ATXN1L: variants seen among roughly 807,000 people sequenced by gnomAD.
ATXN1L encodes the protein ataxin-1-like.
Under a neutral mutation model 43.4 loss-of-function variants are expected in ATXN1L, and 8 were observed. That is an observed-to-expected ratio of 0.18 (90% CI 0.11 to 0.33). The LOEUF (loss-of-function observed/expected upper bound fraction) is 0.33, where lower values mean the gene tolerates loss of function less well. Among genes scored for constraint, ATXN1L ranks in the 10% least tolerant of loss-of-function variants. The probability of loss-of-function intolerance (pLI) is 1.00; values close to 1 mark genes in which losing one functional copy is unlikely to be tolerated. For synonymous variants in ATXN1L, 379 were observed against 360.6 expected, an observed-to-expected ratio of 1.05 and a Z score of -0.58; for missense variants, 856 against 885.4, an observed-to-expected ratio of 0.97 and a Z score of 0.42.
In ATXN1L at chr16:71,851,800, C is replaced by G; in HGVS notation, c.2060C>G (p.Ala687Gly). Residue 687 changes from alanine (A) to glycine (G), a missense_variant, in exon 3 of 3, where the codon GCG becomes GGG. By Grantham distance (60) the Ala-to-Gly change is moderately conservative. This residue lies in a region of ATXN1L where 185 missense variants were observed against 176.8 expected (regional missense o/e 1.05). Coordinates refer to ENST00000427980, the MANE Select transcript of ATXN1L (RefSeq NM_001137675.4). This position sits in a 1 kb window ranked among gnomAD's most constrained non-coding sequence, Gnocchi z 4.9. ...VKLSIEGRSN[A>G]GK The stretch of plus-strand genomic sequence containing the variant: ...CTGTCCATTGAAGGGCGTTCCAATG[C>G]GGGAAAATGAACCTCTTCCCCAGAC... 5 of 1,429,174 alleles carry G rather than the reference C, an allele frequency of 3.5e-6. No homozygotes were observed. Among genetic ancestry groups the G allele is most frequent in the Non-Finnish European group, 4.6e-6 (5 of 1,086,212 alleles). The allele number at this position is 1,429,174 out of a possible 1,614,324, so 88.5% of individuals were successfully genotyped here.
rs543741438 is a variant in ATXN1L at position 71,846,538 on chromosome 16, G to A, written c.-180+434G>A. Among the ~76,000 whole-genome samples, 63 of 152,336 alleles carry A rather than the reference G, an allele frequency of 4.1e-4. No individual in the cohort carries two copies. The South Asian group carries it at 6.4e-3, about 16-fold the overall frequency. On this transcript the variant is annotated intron_variant, in intron 1 of 2. Transcript: ENST00000427980. ...CTGACAAGCTTCTCCCTTTCTGTCGGGCGCACCTCTCGCCCGCAGAGAATT... is the reference window on the plus strand; with the variant it reads ...CTGACAAGCTTCTCCCTTTCTGTCGAGCGCACCTCTCGCCCGCAGAGAATT...
Position 71,851,487 on chromosome 16 carries a change from C to T in ATXN1L, c.1747C>T (p.Gln583Ter). The change falls in exon 3 of 3, where the codon CAG (glutamine) becomes TAG (stop). Residue 583 changes from glutamine (Q) to a stop codon, truncating the protein, a stop_gained. Transcript: ENST00000427980. LOFTEE classifies it high-confidence loss of function. This position sits in a 1 kb window ranked among gnomAD's most constrained non-coding sequence, Gnocchi z 4.9. ...AGATGTCTGCATCTCTATCAGTTTA[C>T]AGAGCTTGAACAGTAACTCAGTTTC... ...VGDVCISISL[Q>*]SLNSNSVSQA... The T allele has an allele frequency of 6.4e-7, 1 of 1,551,652 alleles. No homozygotes were observed.
rs1172409757 is a variant in ATXN1L at position 71,854,786 on chromosome 16, C to T, written c.*2976C>T. Reference sequence around the variant, plus strand: ...TAGGAATAGAAAGGAGGACTGCTGACTGTCTGGCGCTGTATAAAAATGTGT... The same window carrying T: ...TAGGAATAGAAAGGAGGACTGCTGATTGTCTGGCGCTGTATAAAAATGTGT... On this transcript the variant is annotated 3_prime_UTR_variant, in exon 3 of 3. Coordinates refer to ENST00000427980, the MANE Select transcript of ATXN1L (RefSeq NM_001137675.4). The T allele has an allele frequency of 6.0e-6, 1 of 166,952 alleles. No individual in the cohort carries two copies. Among genetic ancestry groups the T allele is most frequent in the East Asian group, 1.9e-4 (1 of 5,204 alleles). 10.3% of individuals were successfully genotyped at this position (166,952 alleles called of 1,614,324 possible). A position where few individuals can be genotyped will look rare whatever the true frequency, so the allele number is the denominator to read the frequency against.
chr16:71,850,651 A>G lies in ATXN1L; in HGVS notation c.911A>G (p.Glu304Gly). 1 of 1,551,694 alleles carries G rather than the reference A, an allele frequency of 6.4e-7. No individual in the cohort carries two copies. Among genetic ancestry groups the G allele is most frequent in the Non-Finnish European group, 8.7e-7 (1 of 1,146,994 alleles). Residue 304 changes from glutamate to glycine, a missense_variant, in exon 3 of 3, where the codon GAA (glutamate) becomes GGA (glycine). By Grantham distance (98) the Glu-to-Gly change is moderately conservative. Around this residue, in one of 7 missense-constraint regions of ATXN1L, gnomAD observed 490 missense variants for 449.4 expected, o/e 1.09. Transcript: ENST00000427980. ...GGCCAGGGACTGGTGCCAGTGGTAGAATGTGTGGTGGATGGACAGTTGTTT... is the reference window on the plus strand; with the variant it reads ...GGCCAGGGACTGGTGCCAGTGGTAGGATGTGTGGTGGATGGACAGTTGTTT... ...GEGQGLVPVV[E>G]CVVDGQLFSG...
At position 71,851,547 on chromosome 16, in the gene ATXN1L, C is replaced by G; in HGVS notation, c.1807C>G (p.Pro603Ala). ...CTGTGCTCCCCCAAGCCAGCTGGGT[C>G]CCCCCCGAGAAAGGCCTGAGAGGAC... ...ASCAPPSQLG[P>A]PRERPERTVL... The change falls in exon 3 of 3, where the codon CCC becomes GCC. Residue 603 changes from proline (P) to alanine (A), a missense_variant. This residue lies in a region of ATXN1L where 185 missense variants were observed against 176.8 expected (regional missense o/e 1.05). Transcript: ENST00000427980. The surrounding 1 kb of genome is among the most constrained non-coding windows in gnomAD (Gnocchi z 4.9). 6.4e-7 allele frequency: 1 copy of G among 1,550,392 alleles called. No homozygotes were observed. The highest frequency in any genetic ancestry group is 8.7e-7 in the Non-Finnish European group (1 of 1,146,200).
Position 71,852,895 on chromosome 16 carries a change from GTC to G in ATXN1L, c.*1091_*1092del, listed in dbSNP as rs911944868. The G allele has an allele frequency of 7.8e-5, 13 of 167,122 alleles. No individual in the cohort carries two copies. The highest frequency in any genetic ancestry group is 2.9e-4 in the African/African-American group (12 of 41,432). The allele number at this position is 167,122 out of a possible 1,614,324, so 10.4% of individuals were successfully genotyped here. On this transcript the variant is annotated 3_prime_UTR_variant, in exon 3 of 3. Coordinates refer to ENST00000427980, the MANE Select transcript of ATXN1L (RefSeq NM_001137675.4). ...ACCTCTAGTTTTTGGTGGGTAGGGG[GTC>G]TCTCTGGTTTCCCCTTCAGCTATAA... is the stretch of plus-strand genomic sequence containing the variant.
rs1164364999 is a variant in ATXN1L, at chr16:71,851,750, C to G, written c.2010C>G (p.Pro670=). The part of the protein sequence containing the change: ...GEEARAALLR[P]SFIPQEVKLS... ...AGGCACGGGCTGCGCTGCTCCGTCC[C>G]TCTTTCATTCCACAGGAGGTAAAGC... is the stretch of plus-strand genomic sequence containing the variant. The change falls in exon 3 of 3, where the codon CCC becomes CCG. Residue 670 remains proline, a synonymous_variant. Coordinates refer to ENST00000427980, the MANE Select transcript of ATXN1L (RefSeq NM_001137675.4). This position sits in a 1 kb window ranked among gnomAD's most constrained non-coding sequence, Gnocchi z 4.9. 1 of 1,450,242 alleles carries G rather than the reference C, an allele frequency of 6.9e-7. No homozygotes were observed. Among genetic ancestry groups the G allele is most frequent in the Non-Finnish European group, 9.1e-7 (1 of 1,097,380 alleles). 89.8% of individuals were successfully genotyped at this position (1,450,242 alleles called of 1,614,324 possible).
chr16:71,854,232 A>G lies in ATXN1L; in HGVS notation c.*2422A>G, dbSNP rs2033531990. On this transcript the variant is annotated 3_prime_UTR_variant, in exon 3 of 3. Coordinates refer to ENST00000427980, the MANE Select transcript of ATXN1L (RefSeq NM_001137675.4). ...GGCAAACCTATGTCTAACCAGATACAGACCAATTAGTTTAGATCAAATCAC... is the reference window on the plus strand; with the variant it reads ...GGCAAACCTATGTCTAACCAGATACGGACCAATTAGTTTAGATCAAATCAC... The G allele has an allele frequency of 6.0e-6, 1 of 167,144 alleles. No homozygotes were observed. The highest frequency in any genetic ancestry group is 6.5e-5 in the Admixed American group (1 of 15,296). 10.4% of individuals were successfully genotyped at this position (167,144 alleles called of 1,614,324 possible).
In ATXN1L at chr16:71,850,099, C is replaced by T. The variant is rs2033482086; in HGVS notation, c.359C>T (p.Pro120Leu). The T allele has an allele frequency of 6.4e-7, 1 of 1,551,718 alleles. No homozygotes were observed. The highest frequency in any genetic ancestry group is 2.4e-5 in the East Asian group (1 of 40,922). ...FNVASSLIQH[P>L]GIHYPPLHYA... ...GTAGCGTCTTCACTAATTCAACATC[C>T]AGGCATCCACTATCCTCCACTCCAC... Residue 120 changes from proline (P) to leucine (L), a missense_variant, in exon 3 of 3, where the codon CCA becomes CTA. Pro to Leu is a moderately conservative substitution (Grantham distance 98). Coordinates refer to ENST00000427980, the MANE Select transcript of ATXN1L (RefSeq NM_001137675.4).
At position 71,851,959 on chromosome 16, in the gene ATXN1L, A is replaced by G. The variant is rs990243032; in HGVS notation, c.*149A>G. 1.1e-6 allele frequency: 1 copy of G among 916,662 alleles called. No homozygotes were observed. Among genetic ancestry groups the G allele is most frequent in the Non-Finnish European group, 1.5e-6 (1 of 656,196 alleles). The allele number at this position is 916,662 out of a possible 1,614,324, so 56.8% of individuals were successfully genotyped here. Reference sequence around the variant, plus strand: ...GGGGAGGCATGAAGTCAGCCTCCCAAGGCAGGATCTGTTGTTCATTACCCC... The same window carrying G: ...GGGGAGGCATGAAGTCAGCCTCCCAGGGCAGGATCTGTTGTTCATTACCCC... On this transcript the variant is annotated 3_prime_UTR_variant, in exon 3 of 3. Coordinates refer to ENST00000427980, the MANE Select transcript of ATXN1L (RefSeq NM_001137675.4). This position sits in a 1 kb window ranked among gnomAD's most constrained non-coding sequence, Gnocchi z 4.9.
Position 71,850,050 on chromosome 16 carries a change from A to G in ATXN1L, c.310A>G (p.Ser104Gly), listed in dbSNP as rs1283224090. The G allele has an allele frequency of 3.9e-6, 6 of 1,551,662 alleles. No individual in the cohort carries two copies. The East Asian group carries it at 1.5e-4, about 38-fold the overall frequency. ...PTGLPSVVNM[S>G]PLPPTFNVAS... ...TGGACTCCCATCTGTGGTGAATATG[A>G]GTCCCTTGCCCCCAACGTTTAATGT... is the stretch of plus-strand genomic sequence containing the variant. The change falls in exon 3 of 3, where the codon AGT (serine) becomes GGT (glycine). Residue 104 changes from serine (S) to glycine (G), a missense_variant. Transcript: ENST00000427980.
chr16:71,850,542 G>T lies in ATXN1L; in HGVS notation c.802G>T (p.Ala268Ser). ...CCAGTCTGCTCTGGAAGCAGCTGCTGCAAATGGAGGACAGAGACCACGAGA... is the reference window on the plus strand; with the variant it reads ...CCAGTCTGCTCTGGAAGCAGCTGCTTCAAATGGAGGACAGAGACCACGAGA... ...ESQSALEAAA[A>S]NGGQRPRERN... The change falls in exon 3 of 3, where the codon GCA (alanine) becomes TCA (serine). Residue 268 changes from alanine (A) to serine (S), a missense_variant. Transcript: ENST00000427980. 6.4e-7 allele frequency: 1 copy of T among 1,551,754 alleles called. No individual in the cohort carries two copies. Among genetic ancestry groups the T allele is most frequent in the Non-Finnish European group, 8.7e-7 (1 of 1,147,014 alleles).
Position 71,850,172 on chromosome 16 carries a change from T to C in ATXN1L, c.432T>C (p.Tyr144=). The C allele has an allele frequency of 1.3e-6, 2 of 1,551,754 alleles. No homozygotes were observed. Among genetic ancestry groups the C allele is most frequent in the East Asian group, 2.4e-5 (1 of 40,920 alleles). Residue 144 remains tyrosine (Y), a synonymous_variant, in exon 3 of 3, where the codon TAT becomes TAC. Transcript: ENST00000427980. ...STSLQFIGSP[Y]SLPYAVPPNF... is the part of the protein sequence containing the mutation. ...CGCTGCAGTTCATTGGGTCTCCTTA[T>C]AGCCTTCCCTATGCTGTGCCACCTA...
chr16:71,854,820 T>C lies in ATXN1L; in HGVS notation c.*3010T>C, dbSNP rs1019838202. 6.0e-6 allele frequency: 1 copy of C among 166,994 alleles called. No individual in the cohort carries two copies. The highest frequency in any genetic ancestry group is 3.1e-3 in the Middle Eastern group (1 of 318). 10.3% of individuals were successfully genotyped at this position (166,994 alleles called of 1,614,324 possible). ...GCTGTATAAAAATGTGTATACCAAT[T>C]TGGGAATAGGGGAACCCAGTCATGG... On this transcript the variant is annotated 3_prime_UTR_variant, in exon 3 of 3. Transcript: ENST00000427980.
chr16:71,851,520 A>G lies in ATXN1L; in HGVS notation c.1780A>G (p.Ser594Gly), dbSNP rs61747555. ...GAACAGTAACTCAGTTTCTCAGGCC[A>G]GCTGTGCTCCCCCAAGCCAGCTGGG... ...SLNSNSVSQA[S>G]CAPPSQLGPP... The change falls in exon 3 of 3, where the codon AGC (serine) becomes GGC (glycine). Residue 594 changes from serine to glycine, a missense_variant. By Grantham distance (56) the Ser-to-Gly change is moderately conservative. This residue lies in a region of ATXN1L where 185 missense variants were observed against 176.8 expected (regional missense o/e 1.05). Transcript: ENST00000427980. This position sits in a 1 kb window ranked among gnomAD's most constrained non-coding sequence, Gnocchi z 4.9. The G allele has an allele frequency of 0.21, 320,904 of 1,551,322 alleles. 35,062 individuals are homozygous for G. Among genetic ancestry groups the G allele is most frequent in the East Asian group, 0.25 (10,110 of 40,866 alleles).
In ATXN1L at chr16:71,853,758, C is replaced by T. The variant is rs2033527771; in HGVS notation, c.*1948C>T. Reference sequence around the variant, plus strand: ...TGAAACTGGCTTGTTTGCTACAAGCCCTACCCTCCACTCTTTCATTCCTTG... The same window carrying T: ...TGAAACTGGCTTGTTTGCTACAAGCTCTACCCTCCACTCTTTCATTCCTTG... On this transcript the variant is annotated 3_prime_UTR_variant, in exon 3 of 3. Coordinates refer to ENST00000427980, the MANE Select transcript of ATXN1L (RefSeq NM_001137675.4). The T allele has an allele frequency of 6.0e-6, 1 of 166,914 alleles. No homozygotes were observed. The highest frequency in any genetic ancestry group is 1.5e-5 in the Non-Finnish European group (1 of 68,118). The allele number at this position is 166,914 out of a possible 1,614,324, so 10.3% of individuals were successfully genotyped here.
Position 71,851,354 on chromosome 16 carries a change from A to G in ATXN1L, c.1614A>G (p.Glu538=). 6.4e-7 allele frequency: 1 copy of G among 1,551,658 alleles called. No individual in the cohort carries two copies. The highest frequency in any genetic ancestry group is 8.7e-7 in the Non-Finnish European group (1 of 1,146,982). The change falls in exon 3 of 3, where the codon GAA becomes GAG. Residue 538 remains glutamate (E), a synonymous_variant. Transcript: ENST00000427980. The surrounding 1 kb of genome is among the most constrained non-coding windows in gnomAD (Gnocchi z 4.9). ...AGCAGCAGAGCAAAGTGAGCATCGA[A>G]GTGCCCCCCGAGCACCCCTTCTTTG... ...VGEQQSKVSI[E]VPPEHPFFVY... is the part of the protein sequence containing the mutation.
chr16:71,849,397 G>A (rs1484679892), intron 2 of ATXN1L, among the ~76,000 whole-genome samples: 1 of 152,070 alleles, frequency 6.6e-6, no homozygotes, highest in Non-Finnish European at 1.5e-5. Context: ...ATTGGTGAAT[G>A]CGTGTCCCTG....
At position 71,850,035 on chromosome 16, in the gene ATXN1L, T is replaced by C. The variant is rs1165601676; in HGVS notation, c.295T>C (p.Ser99Pro). The C allele has an allele frequency of 2.6e-6, 4 of 1,551,546 alleles. No homozygotes were observed. Among genetic ancestry groups the C allele is most frequent in the East Asian group, 2.4e-5 (1 of 40,930 alleles). ...PATFSPTGLP[S>P]VVNMSPLPPT... ...CACCTTTTCACCAACTGGACTCCCATCTGTGGTGAATATGAGTCCCTTGCC... is the reference window on the plus strand; with the variant it reads ...CACCTTTTCACCAACTGGACTCCCACCTGTGGTGAATATGAGTCCCTTGCC... The change falls in exon 3 of 3, where the codon TCT (serine) becomes CCT (proline). Residue 99 changes from serine to proline, a missense_variant. By Grantham distance (74) the Ser-to-Pro change is moderately conservative (BLOSUM62 -1). Transcript: ENST00000427980.
Sources: gnomAD v4.1 joint callset for allele counts (sites outside exome capture counted in the v4.1 genomes callset) on GRCh38, gnomAD v4.1.1 for gene constraint, gnomAD v4.1.1 regional missense constraint, Gnocchi (gnomAD v3.1) non-coding constraint, MANE v1.5 for transcripts, NCBI Gene and HGNC (gene_info 2026-07-23, HGNC 2026-07-21) for gene names.